VLDLR: variants seen among roughly 807,000 people sequenced by gnomAD.
VLDLR encodes the protein very low-density lipoprotein receptor.
Under a neutral mutation model 112.7 loss-of-function variants are expected in VLDLR, and 81 were observed. That is an observed-to-expected ratio of 0.72 (90% CI 0.60 to 0.86). The LOEUF is 0.86. VLDLR is among the 40% of genes least tolerant of loss of function. The pLI, the probability that VLDLR is intolerant of heterozygous loss-of-function variation, is 0.00. For missense variants in VLDLR, 1,237 were observed against 1,099.4 expected, an observed-to-expected ratio of 1.13 and a Z score of -1.77; for synonymous variants, 436 against 384.8, an observed-to-expected ratio of 1.13 and a Z score of -1.56.
At position 2,633,045 on chromosome 9, in the gene VLDLR, A is replaced by AGT. The variant is rs1441998492; in HGVS notation, c.83-2407_83-2406insTG. Reference sequence around the variant, plus strand: ...TACTCCTTATTGGAGAGAGAGAGAGAGAGAGAGTGTGTGTGTGTGTGTGTG... The same window carrying AGT: ...TACTCCTTATTGGAGAGAGAGAGAGAGTGAGAGAGTGTGTGTGTGTGTGTGTG... On this transcript the variant is annotated intron_variant, in intron 1 of 18. Transcript: ENST00000382100. Among the ~76,000 whole-genome samples, 552 of 113,724 alleles carry AGT rather than the reference A, an allele frequency of 4.9e-3. 1 individual carries two copies. The highest frequency in any genetic ancestry group is 7.1e-3 in the Non-Finnish European group (410 of 57,622). 74.6% of individuals were successfully genotyped at this position (113,724 alleles called of 152,430 possible). A position where few individuals can be genotyped will look rare whatever the true frequency, so the allele number is the denominator to read the frequency against.
Position 2,653,978 on chromosome 9 carries a change from A to T in VLDLR, c.*110A>T. 8.8e-7 allele frequency: 1 copy of T among 1,131,850 alleles called. No homozygotes were observed. The allele number at this position is 1,131,850 out of a possible 1,614,324, so 70.1% of individuals were successfully genotyped here. ...TTTTCTTCCTCTCGGCTGGAAGAAC[A>T]TCAAGATACCTTTGCGTGGATCAAG... On this transcript the variant is annotated 3_prime_UTR_variant, in exon 19 of 19. Coordinates refer to ENST00000382100, the MANE Select transcript of VLDLR (RefSeq NM_003383.5).
At chr9:2,636,061 G>C (rs1176744089) in intron 2 of VLDLR, among the ~76,000 whole-genome samples, 1 of 152,154 alleles carries the variant, frequency 6.6e-6, no homozygotes, top group East Asian at 1.9e-4. Context: ...GCCTACAATA[G>C]TTGCTAATTC....
rs1277865372 is a variant in VLDLR at position 2,657,947 on chromosome 9, A to G, written c.*4079A>G. 6.6e-6 allele frequency: 1 copy of G among 152,222 alleles called. No individual in the cohort carries two copies. The highest frequency in any genetic ancestry group is 1.5e-5 in the Non-Finnish European group (1 of 68,034). The allele number at this position is 152,222 out of a possible 1,614,324, so 9.4% of individuals were successfully genotyped here. A position where few individuals can be genotyped will look rare whatever the true frequency, so the allele number is the denominator to read the frequency against. On this transcript the variant is annotated 3_prime_UTR_variant, in exon 19 of 19. Coordinates refer to ENST00000382100, the MANE Select transcript of VLDLR (RefSeq NM_003383.5). ...TGGGAAAACTAAAAATTGTACATCC[A>G]TGCTTCAGCCATATCATGGGCCTAA...
chr9:2,646,335 G>A lies in VLDLR; in HGVS notation c.1486G>A (p.Ala496Thr), dbSNP rs1179943688. The A allele has an allele frequency of 6.2e-7, 1 of 1,613,892 alleles. No individual in the cohort carries two copies. The highest frequency in any genetic ancestry group is 1.7e-5 in the Admixed American group (1 of 60,002). Residue 496 changes from alanine (A) to threonine (T), a missense_variant and splice_region_variant, in exon 11 of 19, where the codon GCC (alanine) becomes ACC (threonine). Transcript: ENST00000382100. ...TTCTTGTGACCTATTCTGTTTCAGT[G>A]CCTCAATTGATGACAAGGTTGGTAG... ...ADLSQKAIFSASIDDKVGRHV... is the reference protein window; with the variant it reads ...ADLSQKAIFSTSIDDKVGRHV...
At chr9:2,653,728 CTGAG>C in intron 18 of VLDLR, 101 bp from the exon 19 acceptor site, 2 of 1,180,608 alleles carry the variant, frequency 1.7e-6, no homozygotes, top group Non-Finnish European at 1.3e-6. Flanking sequence ...TCTAAGCACT[CTGAG>C]TGTTTGAATG....
intron 1 of VLDLR, among the ~76,000 whole-genome samples, chr9:2,634,718 T>C (rs1358166370): frequency 6.6e-6 from 1 of 152,238 alleles, no homozygotes; most frequent in East Asian, 1.9e-4. Context: ...CTTTCCCTCT[T>C]AACTATACTT....
chr9:2,653,078 T>C, intron 18 of VLDLR, 129 bp downstream of exon 18: 2 of 1,205,166 alleles, frequency 1.7e-6, no homozygotes, highest in South Asian at 2.5e-5. Context: ...ACCTGGCTAT[T>C]AGACAGACAG....
At position 2,648,223 on chromosome 9, in the gene VLDLR, G is replaced by A. The variant is rs35948251; in HGVS notation, c.1838G>A (p.Arg613His). ...TCCTACCTAGACCTTATAAAAAGTCGCCTCTATTGGCTTGATTCTAAGTTG... is the reference window on the plus strand; with the variant it reads ...TCCTACCTAGACCTTATAAAAAGTCACCTCTATTGGCTTGATTCTAAGTTG... ...NGITLDLIKS[R>H]LYWLDSKLHM... Residue 613 changes from arginine (R) to histidine (H), a missense_variant, in exon 13 of 19, where the codon CGC becomes CAC. Physicochemically the swap from Arg to His is conservative, Grantham distance 29. Coordinates refer to ENST00000382100, the MANE Select transcript of VLDLR (RefSeq NM_003383.5). The A allele has an allele frequency of 2.3e-4, 375 of 1,614,144 alleles. No homozygotes were observed. Among genetic ancestry groups the A allele is most frequent in the Non-Finnish European group, 2.9e-4 (338 of 1,180,016 alleles).
chr9:2,632,327 G>C (rs950756755), intron 1 of VLDLR, among the ~76,000 whole-genome samples: 35 of 152,120 alleles, frequency 2.3e-4, no homozygotes, highest in African/African-American at 8.5e-4. Context: ...GAAACCTCAT[G>C]GCTTTAAGGA....
rs1469998388 is a variant in VLDLR, at chr9:2,651,965, T to A, written c.2416+11T>A. 1.2e-6 allele frequency: 2 copies of A among 1,613,672 alleles called. No individual in the cohort carries two copies. The highest frequency in any genetic ancestry group is 1.7e-6 in the Non-Finnish European group (2 of 1,179,744). On this transcript the variant is annotated intron_variant, in intron 17 of 18. Transcript: ENST00000382100. ...CCATTCTTCCTCTCTGTAAGTAGAT[T>A]TCCTACAAGTCTGGGTTCAAGAACT...
intron 1 of VLDLR, among the ~76,000 whole-genome samples, chr9:2,628,252 T>C (rs371925398): frequency 2.6e-5 from 4 of 152,078 alleles, no homozygotes; most frequent in African/African-American, 4.8e-5. Flanking sequence ...GGGACTATTA[T>C]GAGAAAGCAG....
intron 1 of VLDLR, among the ~76,000 whole-genome samples, chr9:2,635,171 T>C (rs978374529): frequency 3.3e-5 from 5 of 152,216 alleles, no homozygotes; most frequent in African/African-American, 1.2e-4. Flanking sequence ...CAAAGTTGTA[T>C]ATACCATTTT....
rs1040303243 is a variant in VLDLR at position 2,655,556 on chromosome 9, G to T, written c.*1688G>T. 2.0e-5 allele frequency: 3 copies of T among 152,164 alleles called. No individual in the cohort carries two copies. The highest frequency in any genetic ancestry group is 4.8e-5 in the African/African-American group (2 of 41,432). The allele number at this position is 152,164 out of a possible 1,614,324, so 9.4% of individuals were successfully genotyped here. ...GATGACTCATATTTCACTTGCATATGAAATATAAGGCAGTTAACATCTTGT... is the reference window on the plus strand; with the variant it reads ...GATGACTCATATTTCACTTGCATATTAAATATAAGGCAGTTAACATCTTGT... On this transcript the variant is annotated 3_prime_UTR_variant, in exon 19 of 19. Transcript: ENST00000382100.
chr9:2,644,153 G>GTTTTTTTTTTTTTTT (rs59793046), intron 7 of VLDLR, among the ~76,000 whole-genome samples, 194 bp downstream of exon 7: 88 of 96,340 alleles, frequency 9.1e-4, no homozygotes, highest in Non-Finnish European at 1.2e-3. Context: ...TGTTTTTGTT[G>GTTTTTTTTTTTTTTT]TTTTTTTTTT....
At chr9:2,633,828 A>T (rs1817476675) in intron 1 of VLDLR, among the ~76,000 whole-genome samples, 1 of 152,164 alleles carries the variant, frequency 6.6e-6, no homozygotes, top group South Asian at 2.1e-4. Context: ...TATTGCAAAC[A>T]TATTAAGAAT....
In VLDLR at chr9:2,634,542, C is replaced by T. The variant is rs143331707; in HGVS notation, c.83-911C>T. 7.9e-5 allele frequency among the ~76,000 whole-genome samples: 12 copies of T among 152,296 alleles called. No individual in the cohort carries two copies. In the East Asian group the frequency reaches 1.7e-3, roughly 22 times the overall value. On this transcript the variant is annotated intron_variant, in intron 1 of 18. Transcript: ENST00000382100. ...CACCTGAACATTAGCTGGCCTGTGC[C>T]GGGCAAAACACCAACTGTCCCACTT...
chr9:2,651,640 C>A, intron 16 of VLDLR, 142 bp downstream of exon 16: 1 of 910,128 alleles, frequency 1.1e-6, no homozygotes, highest in Non-Finnish European at 1.7e-6. Context: ...AGACTTAAAA[C>A]TTGCATATCT....
chr9:2,644,931 A>C (rs1428131434), intron 8 of VLDLR, 26 bp from the exon 9 acceptor site: 1 of 1,614,074 alleles, frequency 6.2e-7, no homozygotes, highest in Non-Finnish European at 8.5e-7. Context: ...TAGGAGCAGC[A>C]AGACTAATTC....
chr9:2,651,877 T>A lies in VLDLR; in HGVS notation c.2339T>A (p.Ile780Asn). The A allele has an allele frequency of 6.2e-7, 1 of 1,614,078 alleles. No individual in the cohort carries two copies. The highest frequency in any genetic ancestry group is 8.5e-7 in the Non-Finnish European group (1 of 1,179,944). ...GATTCCTTTTATTCCTCTGTAGGGATCAATGTGACCACAGCAGTATCAGAG... is the reference window on the plus strand; with the variant it reads ...GATTCCTTTTATTCCTCTGTAGGGAACAATGTGACCACAGCAGTATCAGAG... ...SATSGLVPGG[I>N]NVTTAVSEVS... Residue 780 changes from isoleucine (I) to asparagine (N), a missense_variant, in exon 17 of 19, where the codon ATC becomes AAC. Transcript: ENST00000382100.
Sources: allele counts gnomAD v4.1 joint callset (sites outside exome capture counted in the v4.1 genomes callset), GRCh38; gene constraint gnomAD v4.1.1; transcripts MANE v1.5; gene names NCBI Gene and HGNC (gene_info 2026-07-23, HGNC 2026-07-21).